Variants in LHFPL3 observed in about 807,000 individuals in gnomAD.
LHFPL3 encodes LHFPL tetraspan subfamily member 3.
LHFPL3 carries 5 observed loss-of-function variants against 19.3 expected under a neutral mutation model. The ratio of observed to expected loss-of-function variants is 0.26; its 90% CI spans 0.14 to 0.54. The LOEUF is 0.54. LHFPL3 is among the 20% of genes least tolerant of loss of function. The probability of loss-of-function intolerance (pLI) is 0.94; values close to 1 mark genes in which losing one functional copy is unlikely to be tolerated. For synonymous variants in LHFPL3, 133 were observed against 126.2 expected, an observed-to-expected ratio of 1.05 and a Z score of -0.36; for missense variants, 249 against 307.4, an observed-to-expected ratio of 0.81 and a Z score of 1.42.
At chr7:104,570,761 G>C (rs892577423) in intron 1 of LHFPL3, among the ~76,000 whole-genome samples, 1 of 152,222 alleles carries the variant, frequency 6.6e-6, no homozygotes, top group Admixed American at 6.5e-5. Context: ...ACGGGGGTTT[G>C]TTGTACAGAT....
intron 1 of LHFPL3, among the ~76,000 whole-genome samples, chr7:104,421,710 C>A (rs537760920): frequency 6.6e-6 from 1 of 152,148 alleles, no homozygotes; most frequent in African/African-American, 2.4e-5. Context: ...GGTAATTTGC[C>A]AAGATATGGA....
intron 2 of LHFPL3, among the ~76,000 whole-genome samples, chr7:104,781,292 A>G (rs1310833633): frequency 6.6e-6 from 1 of 152,132 alleles, no homozygotes; most frequent in African/African-American, 2.4e-5. Flanking sequence ...TTCACAGGAG[A>G]AATAAGCACC....
At chr7:104,566,366 C>A (rs1305367860) in intron 1 of LHFPL3, among the ~76,000 whole-genome samples, 1 of 152,012 alleles carries the variant, frequency 6.6e-6, no homozygotes, top group Non-Finnish European at 1.5e-5. Flanking sequence ...AACAAAAACT[C>A]ACCTTCTTCC....
chr7:104,713,691 C>A (rs907856833), intron 1 of LHFPL3, among the ~76,000 whole-genome samples: 2 of 152,210 alleles, frequency 1.3e-5, no homozygotes, highest in Non-Finnish European at 2.9e-5. Context: ...CAGTAATTTA[C>A]ATGAGCAGCA....
chr7:104,766,668 T>C (rs2116385954), intron 2 of LHFPL3, among the ~76,000 whole-genome samples: 1 of 152,296 alleles, frequency 6.6e-6, no homozygotes, highest in Non-Finnish European at 1.5e-5. Flanking sequence ...ATACTTCTAA[T>C]CTTGTGCAAG....
At chr7:104,838,362 T>G (rs945935457) in intron 2 of LHFPL3, among the ~76,000 whole-genome samples, 1 of 152,198 alleles carries the variant, frequency 6.6e-6, no homozygotes, top group Non-Finnish European at 1.5e-5. Context: ...ACACCTCCAT[T>G]GAGAAGAGCT....
At chr7:104,448,885 C>A (rs1244349192) in intron 1 of LHFPL3, among the ~76,000 whole-genome samples, 2 of 152,144 alleles carry the variant, frequency 1.3e-5, no homozygotes, top group Non-Finnish European at 2.9e-5. Context: ...AATTGTAAAA[C>A]CCATTCAAGA....
At chr7:104,426,755 G>C (rs1346610576) in intron 1 of LHFPL3, among the ~76,000 whole-genome samples, 2 of 151,888 alleles carry the variant, frequency 1.3e-5, no homozygotes, top group East Asian at 3.9e-4. Context: ...TTCTTCTTTG[G>C]ACCAACCTCC....
At chr7:104,465,930 G>A (rs985471380) in intron 1 of LHFPL3, among the ~76,000 whole-genome samples, 7 of 152,200 alleles carry the variant, frequency 4.6e-5, no homozygotes, top group African/African-American at 1.4e-4. Flanking sequence ...ACTGTGATCT[G>A]AGGGTATGTT....
At chr7:104,788,515 G>A (rs1402884182) in intron 2 of LHFPL3, among the ~76,000 whole-genome samples, 2 of 152,166 alleles carry the variant, frequency 1.3e-5, no homozygotes, top group Non-Finnish European at 2.9e-5. Flanking sequence ...AAAGTATGTA[G>A]TGGCCTATTT....
At chr7:104,546,507 A>G (rs1794580154) in intron 1 of LHFPL3, among the ~76,000 whole-genome samples, 1 of 152,220 alleles carries the variant, frequency 6.6e-6, no homozygotes, top group African/African-American at 2.4e-5. Flanking sequence ...AGAAAGTCAG[A>G]TAATGAAACT....
intron 2 of LHFPL3, among the ~76,000 whole-genome samples, chr7:104,863,914 C>T (rs1298793346): frequency 1.3e-5 from 2 of 152,216 alleles, no homozygotes; most frequent in East Asian, 3.8e-4. Context: ...GGAAACACCT[C>T]CCCTTCTTTA....
chr7:104,367,875 C>T (rs1474241676), intron 1 of LHFPL3, among the ~76,000 whole-genome samples: 1 of 152,210 alleles, frequency 6.6e-6, no homozygotes, highest in Non-Finnish European at 1.5e-5. Context: ...CAAATTACAT[C>T]TCTGTAATGG....
intron 2 of LHFPL3, chr7:104,800,108 A>G (rs1336423857): frequency 6.6e-6 from 1 of 152,394 alleles, no homozygotes; most frequent in Non-Finnish European, 1.5e-5. Context: ...TCATGGTAGG[A>G]TTTGCTGTCC....
At chr7:104,825,500 A>G (rs1790800377) in intron 2 of LHFPL3, among the ~76,000 whole-genome samples, 1 of 151,922 alleles carries the variant, frequency 6.6e-6, no homozygotes, top group Non-Finnish European at 1.5e-5. Flanking sequence ...AAATTGGTGT[A>G]ATAAAACCTG....
At chr7:104,731,264 G>T (rs987298539) in intron 1 of LHFPL3, among the ~76,000 whole-genome samples, 2 of 152,044 alleles carry the variant, frequency 1.3e-5, no homozygotes, top group Non-Finnish European at 1.5e-5. Context: ...TGTGAAGAAA[G>T]TCATTGGTAG....
At chr7:104,433,928 G>A (rs1237065447) in intron 1 of LHFPL3, among the ~76,000 whole-genome samples, 4 of 152,072 alleles carry the variant, frequency 2.6e-5, no homozygotes, top group African/African-American at 9.7e-5. Context: ...TAAATCAATG[G>A]ATAAAAATAC....
chr7:104,840,283 T>C (rs1791172021), intron 2 of LHFPL3, among the ~76,000 whole-genome samples: 1 of 148,292 alleles, frequency 6.7e-6, no homozygotes, highest in African/African-American at 2.5e-5. Flanking sequence ...CTCATTTCTT[T>C]TTTCTGTCTT....
intron 1 of LHFPL3, among the ~76,000 whole-genome samples, chr7:104,702,615 C>A (rs1185591213): frequency 6.6e-6 from 1 of 152,236 alleles, no homozygotes; most frequent in African/African-American, 2.4e-5. Context: ...TCTTCCCAAA[C>A]AATTTGTTCC....
Sources: gnomAD v4.1 joint callset for allele counts (sites outside exome capture counted in the v4.1 genomes callset) on GRCh38, gnomAD v4.1.1 for gene constraint, MANE v1.5 for transcripts, NCBI Gene and HGNC (gene_info 2026-07-23, HGNC 2026-07-21) for gene names.